SCN3A: variants seen among roughly 807,000 people sequenced by gnomAD.
SCN3A encodes the protein sodium voltage-gated channel alpha subunit 3, also known as sodium channel protein type 3 subunit alpha.
SCN3A carries 60 observed loss-of-function variants against 187.6 expected under a neutral mutation model. That is an observed-to-expected ratio of 0.32 (90% CI 0.26 to 0.40). The LOEUF is 0.40. SCN3A is among the 10% of genes least tolerant of loss of function. SCN3A has a pLI of 1.00. For missense variants in SCN3A, 1,601 were observed against 2,428.2 expected (o/e 0.66, Z 7.16); for synonymous variants, 788 against 829.2 (o/e 0.95, Z 0.85).
chr2:165,129,384 A>G (rs892504908), intron 17 of SCN3A, among the ~76,000 whole-genome samples: 1 of 152,242 alleles, frequency 6.6e-6, no homozygotes, highest in Admixed American at 6.5e-5. Context: ...AATTCAGGGA[A>G]GAAAACATTT....
intron 9 of SCN3A, among the ~76,000 whole-genome samples, chr2:165,160,629 T>G (rs1471247485): frequency 2.0e-5 from 3 of 152,188 alleles, no homozygotes; most frequent in Admixed American, 1.3e-4. Flanking sequence ...GTGTGCTTTT[T>G]TTTTAAATTT....
Position 165,176,133 on chromosome 2 carries a change from T to C in SCN3A, c.262A>G (p.Lys88Glu), listed in dbSNP as rs766519110. 4.3e-6 allele frequency: 7 copies of C among 1,612,524 alleles called. No individual in the cohort carries two copies. In the Admixed American group the frequency reaches 6.7e-5, roughly 15 times the overall value. The change falls in exon 3 of 28, where the codon AAA (lysine) becomes GAA (glutamate). Residue 88 changes from lysine to glutamate, a missense_variant and splice_region_variant. Lys to Glu is a moderately conservative substitution (Grantham distance 56). Transcript: ENST00000283254. ...EDLDPYYINKKTFIVMNKGKA... is the reference protein window; with the variant it reads ...EDLDPYYINKETFIVMNKGKA... ...AGAAGTCTAAAATCAATACTCACTT[T>C]CTTATTGATATAGTAGGGATCCAGG...
chr2:165,115,677 A>G, intron 18 of SCN3A, 102 bp from the exon 19 acceptor site: 1 of 1,012,254 alleles, frequency 9.9e-7, no homozygotes, highest in Non-Finnish European at 1.6e-6. Flanking sequence ...TAGTGATAGC[A>G]TTTAACTCTA....
chr2:165,129,718 C>A (rs902395184), intron 17 of SCN3A, among the ~76,000 whole-genome samples: 3 of 152,100 alleles, frequency 2.0e-5, no homozygotes, highest in African/African-American at 4.8e-5. Flanking sequence ...TTAATCTTTG[C>A]ATTAAAGATA....
intron 3 of SCN3A, 97 bp downstream of exon 3, chr2:165,176,034 G>T: frequency 1.8e-6 from 2 of 1,133,244 alleles, no homozygotes; most frequent in Non-Finnish European, 2.5e-6. Flanking sequence ...ATCTTTAACA[G>T]AAGAAAAATT....
chr2:165,117,532 C>T (rs545586170), intron 18 of SCN3A, among the ~76,000 whole-genome samples: 1 of 152,116 alleles, frequency 6.6e-6, no homozygotes, highest in African/African-American at 2.4e-5. Context: ...CATATAGACA[C>T]ATATATATAC....
intron 18 of SCN3A, among the ~76,000 whole-genome samples, chr2:165,124,640 C>T (rs1686883614): frequency 6.6e-6 from 1 of 152,146 alleles, no homozygotes; most frequent in Admixed American, 6.5e-5. Context: ...AACACTGACA[C>T]TTCTAATTCA....
At chr2:165,176,473 T>G in intron 2 of SCN3A, 29 bp from the exon 3 acceptor site, 1 of 1,575,880 alleles carries the variant, frequency 6.3e-7, no homozygotes. Context: ...TGCACAAGAG[T>G]TAGGAAAGCA....
At position 165,140,990 on chromosome 2, in the gene SCN3A, C is replaced by T; in HGVS notation, c.1680G>A (p.Leu560=). 3 of 1,613,262 alleles carry T rather than the reference C, an allele frequency of 1.9e-6. No homozygotes were observed. In the African/African-American group the frequency reaches 4.0e-5, roughly 22 times the overall value. ...KKFCSPHQSL[L]SIRGSLFSPR... ...GGGAAAACAGGGAGCCACGGATACT[C>T]AAGAGAGACTGCAGAGAAAGCAAAA... Residue 560 remains leucine (L), a synonymous_variant, in exon 13 of 28, where the codon TTG becomes TTA. Coordinates refer to ENST00000283254, the MANE Select transcript of SCN3A (RefSeq NM_006922.4). The surrounding 1 kb of genome is among the most constrained non-coding windows in gnomAD (Gnocchi z 4.2).
rs146202943 is a variant in SCN3A, at chr2:165,146,976, T to C, written c.1434A>G (p.Leu478=). Residue 478 remains leucine, a synonymous_variant, in exon 12 of 28, where the codon TTA becomes TTG. Transcript: ENST00000283254. ...ASRDFSGIGG[L]GELLESSSEA... ...CTGAAGAACTTTCCAACAGCTCTCC[T>C]AACCCACCTATTCCACTGAAATCTC... 2.5e-6 allele frequency: 4 copies of C among 1,613,970 alleles called. No individual in the cohort carries two copies. The African/African-American group carries it at 5.3e-5, about 22-fold the overall frequency.
At chr2:165,132,298 A>G (rs938218693) in intron 15 of SCN3A, among the ~76,000 whole-genome samples, 4 of 152,052 alleles carry the variant, frequency 2.6e-5, no homozygotes, top group African/African-American at 9.7e-5. Context: ...TTCATATGGA[A>G]CCAAAAAAGA....
At chr2:165,198,190 G>GA (rs201333342) in intron 1 of SCN3A, among the ~76,000 whole-genome samples, 55 of 150,006 alleles carry the variant, frequency 3.7e-4, no homozygotes, top group Admixed American at 1.2e-3. Flanking sequence ...AGAAAAAAAA[G>GA]AAAAAAAAAG....
At chr2:165,109,887 ACTCT>A (rs570506569) in intron 21 of SCN3A, among the ~76,000 whole-genome samples, 7 of 151,822 alleles carry the variant, frequency 4.6e-5, no homozygotes, top group Non-Finnish European at 1.0e-4. Context: ...GGTTTCTACC[ACTCT>A]CACTCATGTT....
intron 1 of SCN3A, among the ~76,000 whole-genome samples, chr2:165,188,960 C>T (rs555515603): frequency 7.2e-5 from 11 of 152,002 alleles, no homozygotes; most frequent in East Asian, 3.9e-4. Context: ...TTTGTGCAAG[C>T]GATGCATGGA....
At chr2:165,109,812 G>T (rs1033971371) in intron 21 of SCN3A, among the ~76,000 whole-genome samples, 4 of 152,136 alleles carry the variant, frequency 2.6e-5, no homozygotes, top group African/African-American at 7.2e-5. Flanking sequence ...TAACATATAT[G>T]ATGTATAGTA....
chr2:165,113,122 T>C, intron 20 of SCN3A, 64 bp from the exon 21 acceptor site: 1 of 1,282,674 alleles, frequency 7.8e-7, no homozygotes, highest in African/African-American at 1.5e-5. Context: ...TTGAAAAAAT[T>C]GCTTAGTATA....
chr2:165,128,950 T>C (rs1687153771), intron 17 of SCN3A, among the ~76,000 whole-genome samples: 1 of 152,216 alleles, frequency 6.6e-6, no homozygotes, highest in Admixed American at 6.5e-5. Context: ...TTTATAATAA[T>C]ATTTTTAGCC....
At chr2:165,125,468 G>A (rs1049404499) in intron 18 of SCN3A, among the ~76,000 whole-genome samples, 2 of 151,780 alleles carry the variant, frequency 1.3e-5, no homozygotes, top group South Asian at 2.1e-4. Context: ...CGCACCCAGC[G>A]AATTTTTTTG....
intron 26 of SCN3A, 142 bp downstream of exon 26, chr2:165,094,232 G>C (rs746049609): frequency 6.0e-5 from 46 of 762,846 alleles, no homozygotes; most frequent in Non-Finnish European, 9.7e-5. Flanking sequence ...CAGAAGTTGT[G>C]AATTATGATG....
Sources: allele counts gnomAD v4.1 joint callset (sites outside exome capture counted in the v4.1 genomes callset), GRCh38; gene constraint gnomAD v4.1.1; non-coding constraint Gnocchi (gnomAD v3.1); transcripts MANE v1.5; gene names NCBI Gene and HGNC (gene_info 2026-07-23, HGNC 2026-07-21).